The following AGBL1 variants were observed in gnomAD, a reference collection of about 807,000 sequenced individuals.
AGBL1 encodes cytosolic carboxypeptidase 4.
AGBL1 carries 130 observed loss-of-function variants against 118.9 expected under a neutral mutation model. That is an observed-to-expected ratio of 1.09 (90% CI 0.95 to 1.26). The LOEUF is 1.26. Among genes scored for constraint, AGBL1 ranks in the 50% most tolerant of loss-of-function variants. The pLI is 0.00. For synonymous variants in AGBL1, 555 were observed against 478.9 expected, an observed-to-expected ratio of 1.16 and a Z score of -2.08; for missense variants, 1,584 against 1,298.1, an observed-to-expected ratio of 1.22 and a Z score of -3.38.
chr15:86,883,700 T>A (rs940325440), intron 22 of AGBL1, among the ~76,000 whole-genome samples: 5 of 152,336 alleles, frequency 3.3e-5, no homozygotes, highest in Admixed American at 6.5e-5. Context: ...GGTAGGTAGG[T>A]GGAAGAAAGG....
chr15:86,546,736 G>A (rs1389662233), intron 20 of AGBL1, among the ~76,000 whole-genome samples: 1 of 152,082 alleles, frequency 6.6e-6, no homozygotes, highest in Non-Finnish European at 1.5e-5. Flanking sequence ...GTTCCTCCAT[G>A]AAACCACATA....
chr15:86,761,993 C>T (rs971768364), intron 22 of AGBL1, among the ~76,000 whole-genome samples: 3 of 151,914 alleles, frequency 2.0e-5, no homozygotes, highest in African/African-American at 7.3e-5. Flanking sequence ...TTTAATCCAT[C>T]TTGAGTTAAT....
At chr15:86,455,972 A>T (rs980656448) in intron 18 of AGBL1, among the ~76,000 whole-genome samples, 1 of 152,154 alleles carries the variant, frequency 6.6e-6, no homozygotes, top group African/African-American at 2.4e-5. Context: ...AGTTTTTAGC[A>T]TATTTCCTTG....
chr15:86,469,220 C>T (rs1430107253), intron 18 of AGBL1, among the ~76,000 whole-genome samples: 2 of 152,168 alleles, frequency 1.3e-5, no homozygotes, highest in Non-Finnish European at 2.9e-5. Context: ...ATTTGACCAA[C>T]AGCTTTTTGT....
intron 5 of AGBL1, among the ~76,000 whole-genome samples, chr15:86,161,146 A>G (rs533283876): frequency 4.1e-4 from 62 of 152,342 alleles, no homozygotes; most frequent in Admixed American, 3.5e-3. Context: ...GGAGCCTTCC[A>G]GGGATTCCAG....
intron 18 of AGBL1, among the ~76,000 whole-genome samples, chr15:86,407,203 A>T (rs2081542047): frequency 6.6e-6 from 1 of 152,214 alleles, no homozygotes; most frequent in Non-Finnish European, 1.5e-5. Context: ...TACCTGAAAA[A>T]GTAAACTGTT....
intron 21 of AGBL1, among the ~76,000 whole-genome samples, chr15:86,564,177 T>A (rs528428710): frequency 6.6e-6 from 1 of 152,222 alleles, no homozygotes; most frequent in Non-Finnish European, 1.5e-5. Flanking sequence ...GTCATTATAA[T>A]GTTAACTGGT....
chr15:86,960,587 C>T (rs538771089), intron 23 of AGBL1, among the ~76,000 whole-genome samples: 19 of 151,902 alleles, frequency 1.3e-4, no homozygotes, highest in Non-Finnish European at 2.4e-4. Context: ...AATAGAACTA[C>T]AAAATCATCC....
At chr15:86,297,303 A>C (rs1046105630) in intron 17 of AGBL1, among the ~76,000 whole-genome samples, 1 of 152,188 alleles carries the variant, frequency 6.6e-6, no homozygotes, top group Non-Finnish European at 1.5e-5. Context: ...GCAAATGACA[A>C]TCATTGAGCT....
chr15:86,745,723 G>C (rs56697765), intron 22 of AGBL1, among the ~76,000 whole-genome samples: 1 of 152,068 alleles, frequency 6.6e-6, no homozygotes, highest in Non-Finnish European at 1.5e-5. Context: ...TTGTAACTCA[G>C]GTCTTTGGTG....
intron 18 of AGBL1, among the ~76,000 whole-genome samples, chr15:86,452,302 A>C (rs542673103): frequency 2.3e-4 from 35 of 152,264 alleles, no homozygotes; most frequent in African/African-American, 8.2e-4. Flanking sequence ...TCATTCCACA[A>C]TCTCTTTCCA....
At chr15:86,453,833 G>T (rs76287563) in intron 18 of AGBL1, among the ~76,000 whole-genome samples, 6,843 of 152,216 alleles carry the variant, frequency 0.045, 208 homozygotes, top group South Asian at 0.097. Flanking sequence ...AATAGATTTT[G>T]TTGTGTGTAG....
intron 1 of AGBL1, among the ~76,000 whole-genome samples, chr15:86,121,488 G>A (rs148877680): frequency 4.8e-4 from 73 of 152,310 alleles, no homozygotes; most frequent in African/African-American, 1.7e-3. Flanking sequence ...AGTGGTGCTT[G>A]CTACTTTGGG....
At position 86,625,364 on chromosome 15, in the gene AGBL1, C is replaced by CCTTTTTTTTTTTTTTTT. The variant is rs1429206623; in HGVS notation, c.2995-48909_2995-48908insCTTTTTTTTTTTTTTTT. Among the ~76,000 whole-genome samples, 14 of 68,260 alleles carry CCTTTTTTTTTTTTTTTT rather than the reference C, an allele frequency of 2.1e-4. 5 individuals carry two copies. Among genetic ancestry groups the CCTTTTTTTTTTTTTTTT allele is most frequent in the African/African-American group, 2.5e-4 (5 of 20,010 alleles). 44.8% of individuals were successfully genotyped at this position (68,260 alleles called of 152,430 possible). A position where few individuals can be genotyped will look rare whatever the true frequency, so the allele number is the denominator to read the frequency against. On this transcript the variant is annotated intron_variant, in intron 21 of 22. Transcript: ENST00000614907. ...CAGCCTCCAAGGTAGAAGAAATTAG[C>CCTTTTTTTTTTTTTTTT]GTTTTTTTTTTTTTGTTTTTGTTTT...
At chr15:86,970,373 G>C (rs1292790289) in intron 23 of AGBL1, among the ~76,000 whole-genome samples, 1 of 151,898 alleles carries the variant, frequency 6.6e-6, no homozygotes, top group Non-Finnish European at 1.5e-5. Context: ...TTTATGAATT[G>C]CCAATTGTAT....
intron 23 of AGBL1, among the ~76,000 whole-genome samples, chr15:86,982,100 G>T (rs931538321): frequency 6.6e-6 from 1 of 152,126 alleles, no homozygotes; most frequent in South Asian, 2.1e-4. Context: ...ACCTCATGCT[G>T]ATCACATTCT....
intron 18 of AGBL1, among the ~76,000 whole-genome samples, chr15:86,507,858 TA>T (rs1219174194): frequency 2.0e-5 from 3 of 152,062 alleles, no homozygotes; most frequent in Admixed American, 6.6e-5. Context: ...TAAACAGGAT[TA>T]GGGGTATGTG....
chr15:86,935,817 A>C (rs2080666143), intron 23 of AGBL1, among the ~76,000 whole-genome samples: 1 of 152,236 alleles, frequency 6.6e-6, no homozygotes, highest in Non-Finnish European at 1.5e-5. Flanking sequence ...GTGGGTTTTA[A>C]AGGGCAGCTA....
At chr15:86,129,744 A>G (rs2076794628) in intron 1 of AGBL1, among the ~76,000 whole-genome samples, 1 of 152,160 alleles carries the variant, frequency 6.6e-6, no homozygotes, top group African/African-American at 2.4e-5. Context: ...AAAAATAATT[A>G]TCTGCCCCAA....
Sources: gnomAD v4.1 joint callset for allele counts (sites outside exome capture counted in the v4.1 genomes callset) on GRCh38, gnomAD v4.1.1 for gene constraint, MANE v1.5 for transcripts, NCBI Gene and HGNC (gene_info 2026-07-23, HGNC 2026-07-21) for gene names.